PVT1: variants seen among roughly 807,000 people sequenced by gnomAD.
The protein encoded by PVT1 is CXCR4/PVT1 fusion.
intron 4 of PVT1, among the ~76,000 whole-genome samples, chr8:127,997,086 C>T (rs567874591): frequency 2.5e-5 from 3 of 121,974 alleles, no homozygotes; most frequent in Admixed American, 1.1e-4. Context: ...CAGAGTTTCA[C>T]TCTTGTTGCC....
At chr8:127,899,403 CTT>C (rs1815731185) in intron 3 of PVT1, among the ~76,000 whole-genome samples, 1 of 152,212 alleles carries the variant, frequency 6.6e-6, no homozygotes. Context: ...GTCAGACTGA[CTT>C]TGTGACTGTC....
At chr8:127,886,058 T>C (rs1815519253) in intron 2 of PVT1, among the ~76,000 whole-genome samples, 1 of 151,860 alleles carries the variant, frequency 6.6e-6, no homozygotes, top group South Asian at 2.1e-4. Context: ...GATGGCACCA[T>C]TGCACTCCAG....
intron 4 of PVT1, among the ~76,000 whole-genome samples, chr8:128,009,225 G>A (rs901008562): frequency 6.6e-6 from 1 of 152,116 alleles, no homozygotes; most frequent in Non-Finnish European, 1.5e-5. Context: ...ATTCTAGTAA[G>A]TATAATAAAA....
intron 3 of PVT1, among the ~76,000 whole-genome samples, chr8:127,908,694 C>A (rs1373196810): frequency 6.6e-6 from 1 of 152,184 alleles, no homozygotes; most frequent in Non-Finnish European, 1.5e-5. Context: ...CCCCCATTGT[C>A]TGGGACCTTG....
chr8:127,993,526 A>G (rs540245688), intron 4 of PVT1, among the ~76,000 whole-genome samples: 1 of 152,356 alleles, frequency 6.6e-6, no homozygotes, highest in South Asian at 2.1e-4. Flanking sequence ...TTCTGTCTCC[A>G]GAAGCAGCAT....
intron 3 of PVT1, among the ~76,000 whole-genome samples, chr8:127,929,211 T>C (rs1441418706): frequency 6.6e-6 from 1 of 151,370 alleles, no homozygotes; most frequent in Non-Finnish European, 1.5e-5. Flanking sequence ...TTTTTTTTTT[T>C]TTTTTTATTT....
chr8:127,999,501 G>C (rs867946104), intron 4 of PVT1, among the ~76,000 whole-genome samples: 1 of 146,192 alleles, frequency 6.8e-6, no homozygotes, highest in South Asian at 2.2e-4. Context: ...TCACACTTTC[G>C]CCCAAGCTGG....
intron 2 of PVT1, among the ~76,000 whole-genome samples, chr8:127,829,198 A>G (rs1017444067): frequency 1.3e-5 from 2 of 152,100 alleles, no homozygotes; most frequent in African/African-American, 2.4e-5. Context: ...AATCACTTGA[A>G]CCTGGGAGGC....
At chr8:127,879,882 G>T (rs1294176615) in intron 2 of PVT1, among the ~76,000 whole-genome samples, 1 of 152,220 alleles carries the variant, frequency 6.6e-6, no homozygotes, top group African/African-American at 2.4e-5. Context: ...TTCTCATGGA[G>T]ATTTGCTTCT....
intron 5 of PVT1, among the ~76,000 whole-genome samples, chr8:128,080,755 T>C (rs1814165211): frequency 6.6e-6 from 1 of 152,218 alleles, no homozygotes; most frequent in African/African-American, 2.4e-5. Context: ...AGATTGTGGC[T>C]TTGGTGTTGT....
intron 2 of PVT1, among the ~76,000 whole-genome samples, chr8:127,817,546 T>TATATATATATATATATATATATATAC (rs1280832628): frequency 1.8e-4 from 16 of 89,942 alleles, no homozygotes; most frequent in Middle Eastern, 6.3e-3. Flanking sequence ...TATATATATA[T>TATATATATATATATATATATATATAC]ACACACACAC....
chr8:127,973,188 G>A (rs1431852286), intron 3 of PVT1, among the ~76,000 whole-genome samples: 1 of 152,154 alleles, frequency 6.6e-6, no homozygotes, highest in East Asian at 1.9e-4. Flanking sequence ...GGGCCACCAT[G>A]CCTGGCTGTT....
intron 5 of PVT1, among the ~76,000 whole-genome samples, chr8:128,074,030 T>G (rs1177743168): frequency 6.6e-6 from 1 of 152,180 alleles, no homozygotes; most frequent in African/African-American, 2.4e-5. Context: ...TCTCTTCCCC[T>G]CTTTATCTCT....
chr8:128,033,626 G>T (rs1013086465), intron 4 of PVT1, among the ~76,000 whole-genome samples: 4 of 152,194 alleles, frequency 2.6e-5, no homozygotes, highest in African/African-American at 9.7e-5. Context: ...AGGCCTTTGA[G>T]CCATAAATTG....
chr8:127,939,308 A>C (rs1816315828), intron 3 of PVT1, among the ~76,000 whole-genome samples: 1 of 152,098 alleles, frequency 6.6e-6, no homozygotes, highest in Non-Finnish European at 1.5e-5. Context: ...GGCTTCATGG[A>C]TGGGGGCCTA....
chr8:127,803,833 G>A (rs2129647496), intron 2 of PVT1, among the ~76,000 whole-genome samples: 1 of 151,518 alleles, frequency 6.6e-6, no homozygotes, highest in Non-Finnish European at 1.5e-5. Context: ...CGATTCTCCT[G>A]CCTCAGCCTT....
At chr8:128,092,601 C>T (rs574248998) in intron 5 of PVT1, among the ~76,000 whole-genome samples, 9 of 152,256 alleles carry the variant, frequency 5.9e-5, no homozygotes, top group African/African-American at 1.7e-4. Flanking sequence ...GCTAGGAACT[C>T]CTCAGTGGGC....
At chr8:128,075,594 G>T (rs1407521376) in intron 5 of PVT1, among the ~76,000 whole-genome samples, 6 of 152,086 alleles carry the variant, frequency 3.9e-5, no homozygotes, top group Admixed American at 3.3e-4. Flanking sequence ...GGTCATGTTT[G>T]TTATCTTTTA....
intron 2 of PVT1, among the ~76,000 whole-genome samples, chr8:127,812,611 A>AGAAGGAAAGGGAGAGAG (rs1814610658): frequency 6.7e-6 from 1 of 148,304 alleles, no homozygotes; most frequent in Non-Finnish European, 1.5e-5. Flanking sequence ...AAGAAAAAAA[A>AGAAGGAAAGGGAGAGAG]GAAGGAAAGG....
Sources: gnomAD v4.1 joint callset for allele counts (sites outside exome capture counted in the v4.1 genomes callset) on GRCh38, gnomAD v4.1.1 for gene constraint, MANE v1.5 for transcripts, NCBI Gene and HGNC (gene_info 2026-07-23, HGNC 2026-07-21) for gene names.